Variants in SYK observed in about 807,000 individuals in gnomAD.
SYK encodes spleen associated tyrosine kinase, also known as tyrosine-protein kinase SYK.
A neutral mutation model predicts 77.8 loss-of-function variants in SYK; 16 were observed. The ratio of observed to expected loss-of-function variants is 0.21; its 90% CI spans 0.14 to 0.31. The LOEUF (loss-of-function observed/expected upper bound fraction) is 0.31, where lower values mean the gene tolerates loss of function less well. Among genes scored for constraint, SYK ranks in the 10% least tolerant of loss-of-function variants. SYK has a pLI of 1.00. For missense variants in SYK, 529 were observed against 814.4 expected (o/e 0.65, Z 4.26); for synonymous variants, 312 against 308.7 (o/e 1.01, Z -0.11).
At chr9:90,823,383 T>C (rs919980547) in intron 1 of SYK, among the ~76,000 whole-genome samples, 13 of 152,362 alleles carry the variant, frequency 8.5e-5, no homozygotes, top group Admixed American at 2.6e-4. Flanking sequence ...TAAGCAGTAC[T>C]GTCACTCAAC....
At chr9:90,829,406 G>A (rs1825798345) in intron 1 of SYK, among the ~76,000 whole-genome samples, 1 of 152,212 alleles carries the variant, frequency 6.6e-6, no homozygotes, top group South Asian at 2.1e-4. Flanking sequence ...GAGCCTGAGG[G>A]TGGGGTGCCC....
In SYK at chr9:90,895,478, A is replaced by AT. The variant is rs745364225; in HGVS notation, c.1836-50_1836-49insT. ...TGCAGAGGCCCTGCTTGTGATCAGC[A>AT]ATTTTTCACAAGCACATTGACAAAC... On this transcript the variant is annotated intron_variant, in intron 13 of 13. Transcript: ENST00000375754. The surrounding 1 kb of genome is among the most constrained non-coding windows in gnomAD (Gnocchi z 4.4). The AT allele has an allele frequency of 3.8e-6, 6 of 1,596,700 alleles. No individual in the cohort carries two copies. In the African/African-American group the frequency reaches 4.0e-5, roughly 11 times the overall value.
In SYK at chr9:90,884,538, T is replaced by C. The variant is rs62646604; in HGVS notation, c.1582-3211T>C. On this transcript the variant is annotated intron_variant, in intron 11 of 13. Coordinates refer to ENST00000375754, the MANE Select transcript of SYK (RefSeq NM_003177.7). ...ATACACATACACATATGTGTACATG[T>C]ACATACATACACATACACATATGTG... is the stretch of plus-strand genomic sequence containing the variant. 1.2e-4 allele frequency among the ~76,000 whole-genome samples: 3 copies of C among 24,866 alleles called. 1 individual carries two copies. Among genetic ancestry groups the C allele is most frequent in the East Asian group, 1.7e-3 (2 of 1,168 alleles). 16.3% of individuals were successfully genotyped at this position (24,866 alleles called of 152,430 possible).
chr9:90,884,134 C>CAT (rs202005868), intron 11 of SYK, among the ~76,000 whole-genome samples: 30 of 81,042 alleles, frequency 3.7e-4, no homozygotes, highest in Non-Finnish European at 5.7e-4. Flanking sequence ...AAGTGCCCTA[C>CAT]ATATATATAT....
At chr9:90,876,634 C>G (rs1488274225) in intron 9 of SYK, among the ~76,000 whole-genome samples, 1 of 152,194 alleles carries the variant, frequency 6.6e-6, no homozygotes, top group East Asian at 1.9e-4. Flanking sequence ...TTAACATAGA[C>G]ATGACTGTGG....
intron 2 of SYK, 49 bp from the exon 3 acceptor site, chr9:90,845,385 T>C: frequency 6.4e-7 from 1 of 1,565,576 alleles, no homozygotes; most frequent in Non-Finnish European, 8.6e-7. Context: ...CTGCATCATT[T>C]TCATTTTTCC....
At chr9:90,822,191 A>G (rs1825542342) in intron 1 of SYK, among the ~76,000 whole-genome samples, 1 of 152,232 alleles carries the variant, frequency 6.6e-6, no homozygotes, top group Non-Finnish European at 1.5e-5. Flanking sequence ...TTTTAAAAGC[A>G]AGTTAAATTT....
intron 7 of SYK, among the ~76,000 whole-genome samples, chr9:90,868,626 A>T (rs1827610292): frequency 6.6e-6 from 1 of 152,230 alleles, no homozygotes; most frequent in South Asian, 2.1e-4. Context: ...GTTTAACTTC[A>T]TGAGAAGAGA....
chr9:90,891,474 C>G (rs945366956), intron 13 of SYK, among the ~76,000 whole-genome samples: 1 of 152,082 alleles, frequency 6.6e-6, no homozygotes, highest in Admixed American at 6.6e-5. Context: ...GTTGAATATC[C>G]CTGGCTCCAG....
intron 1 of SYK, among the ~76,000 whole-genome samples, chr9:90,813,374 C>G (rs2118328982): frequency 6.6e-6 from 1 of 152,240 alleles, no homozygotes; most frequent in Admixed American, 6.5e-5. Flanking sequence ...GACTCATCGC[C>G]TGCCCCCATG....
chr9:90,853,518 A>G (rs574902307), intron 3 of SYK, among the ~76,000 whole-genome samples: 1 of 152,308 alleles, frequency 6.6e-6, no homozygotes, highest in South Asian at 2.1e-4. Flanking sequence ...TGGCACATAT[A>G]CACCATGGAA....
chr9:90,886,871 T>C (rs1784461522), intron 11 of SYK, among the ~76,000 whole-genome samples: 1 of 152,152 alleles, frequency 6.6e-6, no homozygotes, highest in South Asian at 2.1e-4. Flanking sequence ...AGATGTGGAA[T>C]CAACCTAACT....
intron 1 of SYK, among the ~76,000 whole-genome samples, chr9:90,805,322 A>G (rs541070518): frequency 1.6e-4 from 24 of 152,334 alleles, no homozygotes; most frequent in Non-Finnish European, 3.2e-4. Context: ...AGGCGCTTCC[A>G]GTTACTGCTG....
At chr9:90,862,538 C>T (rs1265933202) in intron 4 of SYK, among the ~76,000 whole-genome samples, 194 bp downstream of exon 4, 1 of 152,190 alleles carries the variant, frequency 6.6e-6, no homozygotes, top group Non-Finnish European at 1.5e-5. Context: ...ACCTGCCCAT[C>T]AGACCCCACT....
chr9:90,828,550 A>G (rs1209690250), intron 1 of SYK, among the ~76,000 whole-genome samples: 1 of 152,098 alleles, frequency 6.6e-6, no homozygotes, highest in Non-Finnish European at 1.5e-5. Context: ...TGCGCCCCAC[A>G]CCGCTGGCTG....
At position 90,898,215 on chromosome 9, in the gene SYK, C is replaced by T. The variant is rs199956562; in HGVS notation, c.*2615C>T. ...TGAATATCTTGTCCCCCAGCAGGGC[C>T]GACAGTTTCTATCACAGAAAACAGT... is the stretch of plus-strand genomic sequence containing the variant. On this transcript the variant is annotated 3_prime_UTR_variant, in exon 14 of 14. Coordinates refer to ENST00000375754, the MANE Select transcript of SYK (RefSeq NM_003177.7). 17 of 231,094 alleles carry T rather than the reference C, an allele frequency of 7.4e-5. No homozygotes were observed. In the East Asian group the frequency reaches 8.6e-4, roughly 12 times the overall value. The allele number at this position is 231,094 out of a possible 1,614,324, so 14.3% of individuals were successfully genotyped here. A position where few individuals can be genotyped will look rare whatever the true frequency, so the allele number is the denominator to read the frequency against.
chr9:90,841,912 G>T (rs554058358), intron 1 of SYK, among the ~76,000 whole-genome samples: 1 of 146,208 alleles, frequency 6.8e-6, no homozygotes, highest in East Asian at 2.1e-4. Context: ...GATGTGGGTA[G>T]TGTCCGTGTA....
chr9:90,873,304 A>T (rs1332777147), intron 7 of SYK, among the ~76,000 whole-genome samples: 1 of 152,062 alleles, frequency 6.6e-6, no homozygotes, highest in Non-Finnish European at 1.5e-5. Context: ...GGCACTGAAA[A>T]GGTCAATCAA....
chr9:90,860,895 C>T (rs891800149), intron 3 of SYK, among the ~76,000 whole-genome samples: 7 of 152,084 alleles, frequency 4.6e-5, no homozygotes, highest in East Asian at 1.9e-4. Flanking sequence ...AGTACCCAGA[C>T]GTCCCAAGGC....
Sources: gnomAD v4.1 joint callset for allele counts (sites outside exome capture counted in the v4.1 genomes callset) on GRCh38, gnomAD v4.1.1 for gene constraint, Gnocchi (gnomAD v3.1) non-coding constraint, MANE v1.5 for transcripts, NCBI Gene and HGNC (gene_info 2026-07-23, HGNC 2026-07-21) for gene names.